The following NRCAM variants were observed in gnomAD, a reference collection of about 807,000 sequenced individuals.
NRCAM encodes NgCAM-related cell adhesion molecule.
NRCAM carries 83 observed loss-of-function variants against 156.5 expected under a neutral mutation model. The observed-to-expected ratio is 0.53, with a 90% CI of 0.44 to 0.64. The LOEUF (loss-of-function observed/expected upper bound fraction) is 0.64. NRCAM is among the 30% of genes least tolerant of loss of function. The pLI is 0.00. For synonymous variants in NRCAM, 538 were observed against 563.9 expected, an observed-to-expected ratio of 0.95 and a Z score of 0.65; for missense variants, 1,417 against 1,597.3, an observed-to-expected ratio of 0.89 and a Z score of 1.92.
At chr7:108,382,135 T>G (rs1298909642) in intron 2 of NRCAM, among the ~76,000 whole-genome samples, 1 of 151,964 alleles carries the variant, frequency 6.6e-6, no homozygotes, top group Admixed American at 6.6e-5. Context: ...CTTCAAATTG[T>G]GTGGTGCTAA....
At chr7:108,434,225 C>A (rs558278702) in intron 1 of NRCAM, among the ~76,000 whole-genome samples, 4 of 152,184 alleles carry the variant, frequency 2.6e-5, no homozygotes, top group Non-Finnish European at 5.9e-5. Context: ...TCAACCAGGG[C>A]AGGACAGACT....
At chr7:108,233,285 C>T (rs756656467) in intron 6 of NRCAM, among the ~76,000 whole-genome samples, 2 of 151,842 alleles carry the variant, frequency 1.3e-5, no homozygotes, top group Non-Finnish European at 2.9e-5. Context: ...AATCTCTAAA[C>T]GTCACAGTGT....
chr7:108,157,846 T>C (rs1384923390), intron 32 of NRCAM, among the ~76,000 whole-genome samples: 1 of 152,124 alleles, frequency 6.6e-6, no homozygotes, highest in Non-Finnish European at 1.5e-5. Context: ...CCCATCACCA[T>C]GTGGAGAATG....
intron 2 of NRCAM, among the ~76,000 whole-genome samples, chr7:108,388,011 A>G (rs1397427167): frequency 6.6e-6 from 1 of 152,190 alleles, no homozygotes; most frequent in Non-Finnish European, 1.5e-5. Context: ...TAGTGCTGCA[A>G]TAAACATATG....
At chr7:108,344,648 A>G (rs565044122) in intron 2 of NRCAM, among the ~76,000 whole-genome samples, 5 of 150,988 alleles carry the variant, frequency 3.3e-5, no homozygotes, top group African/African-American at 7.4e-5. Context: ...TTTATACTCC[A>G]TACTGACATT....
intron 3 of NRCAM, among the ~76,000 whole-genome samples, chr7:108,266,764 G>C (rs183042141): frequency 6.6e-6 from 1 of 152,050 alleles, no homozygotes; most frequent in Non-Finnish European, 1.5e-5. Context: ...TGATCCATAC[G>C]CCACACTTCA....
chr7:108,312,143 G>T (rs1199799525), intron 3 of NRCAM, among the ~76,000 whole-genome samples: 1 of 152,028 alleles, frequency 6.6e-6, no homozygotes, highest in Non-Finnish European at 1.5e-5. Context: ...AAATGGGGAA[G>T]GAATTTACAA....
chr7:108,422,013 CAA>C (rs1349402425), intron 1 of NRCAM, among the ~76,000 whole-genome samples: 2 of 152,110 alleles, frequency 1.3e-5, no homozygotes, highest in Non-Finnish European at 2.9e-5. Flanking sequence ...TCAAAATAGT[CAA>C]AACAGGTCTA....
intron 3 of NRCAM, among the ~76,000 whole-genome samples, chr7:108,311,975 T>C (rs2098809339): frequency 6.6e-6 from 1 of 152,184 alleles, no homozygotes; most frequent in South Asian, 2.1e-4. Context: ...CTCTGAACTG[T>C]GTTCCAGATC....
chr7:108,188,236 G>A (rs557512802), intron 20 of NRCAM, among the ~76,000 whole-genome samples: 22 of 152,180 alleles, frequency 1.4e-4, no homozygotes, highest in Non-Finnish European at 2.8e-4. Flanking sequence ...TGGGACCTTT[G>A]CTGTGCCCAG....
intron 20 of NRCAM, among the ~76,000 whole-genome samples, chr7:108,185,890 C>A (rs1395226212): frequency 1.3e-5 from 2 of 152,094 alleles, no homozygotes; most frequent in Non-Finnish European, 2.9e-5. Flanking sequence ...ATTACTACAA[C>A]AAATAAACAG....
At chr7:108,392,351 C>T (rs1163970972) in intron 2 of NRCAM, among the ~76,000 whole-genome samples, 3 of 152,190 alleles carry the variant, frequency 2.0e-5, no homozygotes, top group South Asian at 2.1e-4. Context: ...CCCTTTCTTA[C>T]AGTTGATCAA....
At chr7:108,389,067 TTAAAG>T (rs1337541298) in intron 2 of NRCAM, among the ~76,000 whole-genome samples, 1 of 152,182 alleles carries the variant, frequency 6.6e-6, no homozygotes, top group East Asian at 1.9e-4. Context: ...CATATGAACT[TTAAAG>T]TAGTTTTTTC....
chr7:108,289,778 C>T (rs1001014588), intron 3 of NRCAM, among the ~76,000 whole-genome samples: 11 of 152,126 alleles, frequency 7.2e-5, no homozygotes, highest in African/African-American at 2.7e-4. Flanking sequence ...TCCAGACCCC[C>T]AGCATCAGCA....
At chr7:108,387,557 TTTA>T (rs1390482304) in intron 2 of NRCAM, among the ~76,000 whole-genome samples, 18 of 152,114 alleles carry the variant, frequency 1.2e-4, no homozygotes, top group Admixed American at 7.2e-4. Flanking sequence ...TTAAAATTTA[TTTA>T]TTTATTTACT....
chr7:108,385,800 G>A (rs1202218366), intron 2 of NRCAM, among the ~76,000 whole-genome samples: 1 of 151,794 alleles, frequency 6.6e-6, no homozygotes, highest in African/African-American at 2.4e-5. Flanking sequence ...AGAGAATATG[G>A]AAGGCATGAG....
At chr7:108,159,247 C>G (rs762868783) in intron 32 of NRCAM, 2 of 705,060 alleles carry the variant, frequency 2.8e-6, no homozygotes, top group African/African-American at 1.7e-5. Context: ...CATTCCATCT[C>G]CAAAATTATG....
chr7:108,352,570 C>T (rs912322917), intron 2 of NRCAM, among the ~76,000 whole-genome samples: 3 of 152,164 alleles, frequency 2.0e-5, no homozygotes, highest in Admixed American at 6.5e-5. Context: ...TTTCAAATAA[C>T]ATTCTTGGGA....
intron 1 of NRCAM, among the ~76,000 whole-genome samples, chr7:108,455,780 T>C (rs1332084690): frequency 1.3e-5 from 2 of 151,738 alleles, no homozygotes; most frequent in Non-Finnish European, 2.9e-5. Flanking sequence ...CCCGCGCTCC[T>C]CGCCCCGCCG....
Sources: gnomAD v4.1 joint callset for allele counts (sites outside exome capture counted in the v4.1 genomes callset) on GRCh38, gnomAD v4.1.1 for gene constraint, MANE v1.5 for transcripts, NCBI Gene and HGNC (gene_info 2026-07-23, HGNC 2026-07-21) for gene names.